Variants in DHRSX observed in about 807,000 individuals in gnomAD.
The protein encoded by DHRSX is polyprenol dehydrogenase.
DHRSX carries 31 observed loss-of-function variants against 34.0 expected under a neutral mutation model. That is an observed-to-expected ratio of 0.91 (90% CI 0.69 to 1.23). The LOEUF is 1.23. DHRSX is among the 50% of genes most tolerant of loss of function. The probability of loss-of-function intolerance (pLI) is 0.00; values close to 1 mark genes in which losing one functional copy is unlikely to be tolerated. For missense variants in DHRSX, 414 were observed against 428.1 expected, an observed-to-expected ratio of 0.97 and a Z score of 0.29; for synonymous variants, 201 against 183.8, an observed-to-expected ratio of 1.09 and a Z score of -0.76.
chrX:2,369,565 C>A (rs1241810181), intron 3 of DHRSX, among the ~76,000 whole-genome samples: 2 of 152,028 alleles, frequency 1.3e-5, no homozygotes, highest in African/African-American at 4.8e-5. Flanking sequence ...GGCACGATCT[C>A]AGCTCACTGC....
chrX:2,372,438 G>A (rs1381171835), intron 3 of DHRSX, among the ~76,000 whole-genome samples: 1 of 152,002 alleles, frequency 6.6e-6, no homozygotes, highest in Admixed American at 6.6e-5. Context: ...GTGTCAAATT[G>A]GAACCGAATC....
chrX:2,341,660 T>C (rs2042641553), intron 3 of DHRSX, among the ~76,000 whole-genome samples: 1 of 145,946 alleles, frequency 6.9e-6, no homozygotes, highest in African/African-American at 2.6e-5. Flanking sequence ...TCTTTTTTTT[T>C]TTTTTGGTGG....
intron 3 of DHRSX, among the ~76,000 whole-genome samples, chrX:2,393,419 T>A (rs6642016): frequency 8.1e-5 from 12 of 147,304 alleles, no homozygotes; most frequent in African/African-American, 1.0e-4. Context: ...TGCGCACACA[T>A]GACACACAGG....
intron 3 of DHRSX, among the ~76,000 whole-genome samples, chrX:2,345,853 C>A (rs2042702111): frequency 6.6e-6 from 1 of 152,162 alleles, no homozygotes; most frequent in Admixed American, 6.6e-5. Flanking sequence ...GGGTCTCCAG[C>A]TGGCTGGTCT....
At chrX:2,369,954 A>G (rs188912207) in intron 3 of DHRSX, among the ~76,000 whole-genome samples, 1 of 151,870 alleles carries the variant, frequency 6.6e-6, no homozygotes, top group African/African-American at 2.4e-5. Flanking sequence ...GGACTCCCCT[A>G]CTGAAATGTG....
chrX:2,493,990 A>AC (rs911431624), intron 1 of DHRSX, among the ~76,000 whole-genome samples: 1 of 151,672 alleles, frequency 6.6e-6, no homozygotes, highest in Non-Finnish European at 1.5e-5. Context: ...GAAGAAAACA[A>AC]AAAAAAAGAT....
intron 3 of DHRSX, among the ~76,000 whole-genome samples, chrX:2,405,146 AG>A (rs67177808): frequency 0.12 from 18,321 of 152,126 alleles, 2,594 homozygotes; most frequent in African/African-American, 0.34. Context: ...GGGCATAGGC[AG>A]TGACCAGGCT....
chrX:2,249,118 C>T (rs1452192043), intron 5 of DHRSX, among the ~76,000 whole-genome samples: 4 of 151,784 alleles, frequency 2.6e-5, no homozygotes, highest in South Asian at 2.1e-4. Context: ...AAAGGAAGGG[C>T]GTGCACATAC....
At chrX:2,347,134 G>T (rs1467646109) in intron 3 of DHRSX, among the ~76,000 whole-genome samples, 1 of 152,132 alleles carries the variant, frequency 6.6e-6, no homozygotes, top group South Asian at 2.1e-4. Flanking sequence ...TCTGAGAATG[G>T]GCAATTTAGA....
At chrX:2,400,822 A>G (rs891943939) in intron 3 of DHRSX, among the ~76,000 whole-genome samples, 1 of 152,180 alleles carries the variant, frequency 6.6e-6, no homozygotes, top group Non-Finnish European at 1.5e-5. Context: ...CTTCATCCTG[A>G]TTTCACAGTA....
At chrX:2,253,546 C>CGTG (rs2016492883) in intron 5 of DHRSX, among the ~76,000 whole-genome samples, 1 of 152,212 alleles carries the variant, frequency 6.6e-6, no homozygotes, top group Non-Finnish European at 1.5e-5. Context: ...GCAAAGATGG[C>CGTG]GCCACTGCAC....
chrX:2,221,741 G>A (rs1378075893), intron 6 of DHRSX, among the ~76,000 whole-genome samples: 2 of 152,144 alleles, frequency 1.3e-5, no homozygotes, highest in Admixed American at 1.3e-4. Context: ...GTTTCAAAAA[G>A]GAACTTGAGA....
At chrX:2,476,410 AAAG>A (rs1371015479) in intron 1 of DHRSX, among the ~76,000 whole-genome samples, 3 of 151,776 alleles carry the variant, frequency 2.0e-5, no homozygotes, top group African/African-American at 7.3e-5. Context: ...AAAAAAAAAA[AAAG>A]AAAGAAAAGA....
intron 1 of DHRSX, among the ~76,000 whole-genome samples, chrX:2,434,469 G>A (rs988616301): frequency 2.0e-5 from 3 of 152,120 alleles, no homozygotes; most frequent in African/African-American, 7.2e-5. Context: ...AGGAGCACGA[G>A]GCCCAGCCTG....
chrX:2,307,794 A>T (rs1355679456), intron 3 of DHRSX, among the ~76,000 whole-genome samples: 2 of 146,760 alleles, frequency 1.4e-5, no homozygotes, highest in Non-Finnish European at 3.0e-5. Context: ...AAAAATAAAA[A>T]AAATAAAATA....
intron 3 of DHRSX, among the ~76,000 whole-genome samples, chrX:2,345,569 C>G (rs1337262481): frequency 6.6e-6 from 1 of 150,824 alleles, no homozygotes; most frequent in Non-Finnish European, 1.5e-5. Flanking sequence ...ATTGCTCAAA[C>G]CTGGGAGATA....
chrX:2,488,700 C>G (rs773889535), intron 1 of DHRSX: 1 of 1,613,854 alleles, frequency 6.2e-7, no homozygotes, highest in Non-Finnish European at 8.5e-7. Context: ...AAGGAGAACA[C>G]CTGCTCCTGG....
intron 4 of DHRSX, among the ~76,000 whole-genome samples, chrX:2,273,142 G>C (rs767772952): frequency 6.6e-6 from 1 of 152,044 alleles, no homozygotes; most frequent in African/African-American, 2.4e-5. Context: ...GCAGTGAGCC[G>C]AGATCGCACC....
intron 4 of DHRSX, among the ~76,000 whole-genome samples, chrX:2,289,025 C>G (rs1040993211): frequency 1.3e-5 from 2 of 152,202 alleles, no homozygotes; most frequent in African/African-American, 4.8e-5. Flanking sequence ...TCCACTGTCA[C>G]AGATGTGGTT....
Sources: gnomAD v4.1 joint callset for allele counts (sites outside exome capture counted in the v4.1 genomes callset) on GRCh38, gnomAD v4.1.1 for gene constraint, MANE v1.5 for transcripts, NCBI Gene and HGNC (gene_info 2026-07-23, HGNC 2026-07-21) for gene names.